Variants in NMNAT1 observed in about 807,000 individuals in gnomAD.
NMNAT1 encodes the protein nicotinamide nucleotide adenylyltransferase 1.
A neutral mutation model predicts 16.7 loss-of-function variants in NMNAT1; 11 were observed. That is an observed-to-expected ratio of 0.66 (90% CI 0.41 to 1.09). The LOEUF (loss-of-function observed/expected upper bound fraction) is 1.09. Among genes scored for constraint, NMNAT1 ranks in the 50% least tolerant of loss-of-function variants. The pLI, the probability that NMNAT1 is intolerant of heterozygous loss-of-function variation, is 0.00. For synonymous variants in NMNAT1, 110 were observed against 119.8 expected, an observed-to-expected ratio of 0.92 and a Z score of 0.53; for missense variants, 280 against 332.3, an observed-to-expected ratio of 0.84 and a Z score of 1.22.
At chr1:9,981,248 T>G in intron 4 of NMNAT1, 78 bp downstream of exon 4, 1 of 1,551,218 alleles carries the variant, frequency 6.4e-7, no homozygotes, top group Non-Finnish European at 8.7e-7. Flanking sequence ...GTATTTTTTT[T>G]TTTTTAGATG....
At chr1:9,971,951 C>T (rs1641698558) in intron 1 of NMNAT1, 67 bp from the exon 2 acceptor site, 2 of 667,412 alleles carry the variant, frequency 3.0e-6, no homozygotes, top group Non-Finnish European at 5.5e-6. Flanking sequence ...GCCAGGGTGG[C>T]AGAGCAAGAC....
chr1:9,944,323 A>T (rs1168736143), intron 1 of NMNAT1, among the ~76,000 whole-genome samples: 1 of 152,140 alleles, frequency 6.6e-6, no homozygotes, highest in Non-Finnish European at 1.5e-5. Flanking sequence ...GCACTTTGAG[A>T]GCCCGCGGTG....
chr1:9,945,271 A>G (rs1640952440), intron 1 of NMNAT1, among the ~76,000 whole-genome samples: 1 of 152,048 alleles, frequency 6.6e-6, no homozygotes, highest in South Asian at 2.1e-4. Context: ...AGAAAAAAAT[A>G]AAAGTACCTA....
At chr1:9,944,575 G>A (rs768605013) in intron 1 of NMNAT1, among the ~76,000 whole-genome samples, 2 of 152,092 alleles carry the variant, frequency 1.3e-5, no homozygotes, top group Non-Finnish European at 2.9e-5. Context: ...GAGTGCAGTG[G>A]TGTGATCATA....
chr1:9,967,428 C>A (rs1400594232), intron 1 of NMNAT1: 1 of 153,426 alleles, frequency 6.5e-6, no homozygotes, highest in Non-Finnish European at 1.5e-5. Context: ...GAGAGATCAA[C>A]CCTTTATCAT....
intron 1 of NMNAT1, among the ~76,000 whole-genome samples, chr1:9,962,530 G>A (rs1319355351): frequency 6.6e-6 from 1 of 151,476 alleles, no homozygotes; most frequent in African/African-American, 2.4e-5. Flanking sequence ...ACTGTGCCAG[G>A]CAATATGCTA....
At chr1:9,948,863 G>T (rs1641039657) in intron 1 of NMNAT1, among the ~76,000 whole-genome samples, 1 of 151,226 alleles carries the variant, frequency 6.6e-6, no homozygotes, top group Admixed American at 6.6e-5. Context: ...GGCCAGGCTG[G>T]TCTCGAACTC....
chr1:9,979,339 G>A (rs1641885148), intron 3 of NMNAT1, among the ~76,000 whole-genome samples: 1 of 152,048 alleles, frequency 6.6e-6, no homozygotes, highest in African/African-American at 2.4e-5. Flanking sequence ...GGTGGCACGT[G>A]CCTGTAGTCG....
In NMNAT1 at chr1:9,956,351, G is replaced by C. The variant is rs1297322160; in HGVS notation, c.-57+12836G>C. Among the ~76,000 whole-genome samples, 7 of 149,902 alleles carry C rather than the reference G, an allele frequency of 4.7e-5. No homozygotes were observed. The East Asian group carries it at 1.4e-3, about 29-fold the overall frequency. On this transcript the variant is annotated intron_variant, in intron 1 of 4. Coordinates refer to ENST00000377205, the MANE Select transcript of NMNAT1 (RefSeq NM_022787.4). ...CACCCGGCTAGCTTTTGTATTTTTT[G>C]GTAGAGATGGGGTTTCATCATGTTG...
intron 1 of NMNAT1, among the ~76,000 whole-genome samples, chr1:9,967,955 AAC>A (rs1641589263): frequency 6.6e-6 from 1 of 152,112 alleles, no homozygotes; most frequent in Non-Finnish European, 1.5e-5. Flanking sequence ...CAGCCTGGAC[AAC>A]AGAGTGAGAT....
intron 2 of NMNAT1, among the ~76,000 whole-genome samples, chr1:9,973,202 C>T (rs1641728035): frequency 6.6e-6 from 1 of 152,024 alleles, no homozygotes; most frequent in African/African-American, 2.4e-5. Context: ...CTGCAACCTC[C>T]ACCTCCTGGG....
At chr1:9,961,915 T>A (rs780855926) in intron 1 of NMNAT1, among the ~76,000 whole-genome samples, 20 of 152,038 alleles carry the variant, frequency 1.3e-4, no homozygotes, top group Non-Finnish European at 2.8e-4. Flanking sequence ...ATTATGGGCA[T>A]GTGCCACCAT....
At chr1:9,962,726 G>A (rs1305162121) in intron 1 of NMNAT1, among the ~76,000 whole-genome samples, 3 of 120,960 alleles carry the variant, frequency 2.5e-5, no homozygotes, top group Non-Finnish European at 4.8e-5. Flanking sequence ...CTGTAGCCCA[G>A]GCTGGAGTGC....
chr1:9,993,230 G>A, the NMNAT1 span, among the ~76,000 whole-genome samples: 5 of 152,070 alleles, frequency 3.3e-5, no homozygotes, highest in Non-Finnish European at 7.4e-5. Context: ...TGTAATTCCA[G>A]CACTTCAGGA....
At chr1:9,987,023 C>G (rs1642052798), downstream of NMNAT1, among the ~76,000 whole-genome samples, 1 of 151,194 alleles carries the variant, frequency 6.6e-6, no homozygotes. Flanking sequence ...ATGGTGAAAC[C>G]CTGTCTCTAC....
chr1:9,953,741 C>T (rs919537870), intron 1 of NMNAT1, among the ~76,000 whole-genome samples: 1 of 150,456 alleles, frequency 6.6e-6, no homozygotes, highest in Non-Finnish European at 1.5e-5. Context: ...ACACCCGGCC[C>T]TATTTTTTCA....
intron 2 of NMNAT1, among the ~76,000 whole-genome samples, chr1:9,972,796 A>G (rs938631696): frequency 3.9e-5 from 6 of 152,042 alleles, no homozygotes; most frequent in African/African-American, 1.2e-4. Flanking sequence ...CATCTCTACA[A>G]AAAAAATTGT....
Position 9,953,118 on chromosome 1 carries a change from C to G in NMNAT1, c.-57+9603C>G, listed in dbSNP as rs367978959. Among the ~76,000 whole-genome samples, 133 of 150,994 alleles carry G rather than the reference C, an allele frequency of 8.8e-4. 1 individual carries two copies. The South Asian group carries it at 0.028, about 31-fold the overall frequency. ...GCCTCAGCCTCCCGAGTAGCTGGAA[C>G]TACAGGTGCCCGCCACCACGCCTGG... On this transcript the variant is annotated intron_variant, in intron 1 of 4. Coordinates refer to ENST00000377205, the MANE Select transcript of NMNAT1 (RefSeq NM_022787.4).
At position 9,975,458 on chromosome 1, in the gene NMNAT1, T is replaced by G; in HGVS notation, c.116-134T>G. ...GGAGGTTGCAGTGAGCCGAGATCAC[T>G]CCAGTGCGGCCTGGGGAACAGAGCA... On this transcript the variant is annotated intron_variant, in intron 2 of 4. Transcript: ENST00000377205. 7.5e-6 allele frequency: 5 copies of G among 668,280 alleles called. No individual in the cohort carries two copies. The South Asian group carries it at 1.1e-4, about 15-fold the overall frequency. The allele number at this position is 668,280 out of a possible 1,614,324, so 41.4% of individuals were successfully genotyped here.
Sources: allele counts gnomAD v4.1 joint callset (sites outside exome capture counted in the v4.1 genomes callset), GRCh38; gene constraint gnomAD v4.1.1; transcripts MANE v1.5; gene names NCBI Gene and HGNC (gene_info 2026-07-23, HGNC 2026-07-21).